The following ARAP3 variants were observed in gnomAD, a reference collection of about 807,000 sequenced individuals.
ARAP3 encodes ArfGAP with RhoGAP domain, ankyrin repeat and PH domain 3, also known as arf-GAP with Rho-GAP domain, ANK repeat and PH domain-containing protein 3.
In ARAP3, 82 loss-of-function variants were observed where a neutral mutation model predicts 169.2. The observed-to-expected ratio is 0.48, with a 90% confidence interval of 0.41 to 0.58. The LOEUF (loss-of-function observed/expected upper bound fraction) is 0.58, where lower values mean the gene tolerates loss of function less well. Ranked by LOEUF, ARAP3 falls within the 20% of genes least tolerant of loss-of-function variation. The pLI, the probability that ARAP3 is intolerant of heterozygous loss-of-function variation, is 0.00. For synonymous variants in ARAP3, 791 were observed against 800.3 expected, an observed-to-expected ratio of 0.99 and a Z score of 0.20; for missense variants, 1,764 against 2,018.0, an observed-to-expected ratio of 0.87 and a Z score of 2.41.
rs1262206933 is a variant in ARAP3 at position 141,671,907 on chromosome 5, A to G, written c.1659T>C (p.Asn553=). The G allele has an allele frequency of 4.3e-6, 7 of 1,613,118 alleles. No individual in the cohort carries two copies. Among genetic ancestry groups the G allele is most frequent in the Non-Finnish European group, 5.1e-6 (6 of 1,179,564 alleles). Residue 553 remains asparagine (N), a synonymous_variant, in exon 11 of 33, where the codon AAT becomes AAC. Transcript: ENST00000239440. This position sits in a 1 kb window ranked among gnomAD's most constrained non-coding sequence, Gnocchi z 4.9. ...TTCGCCCGCTCACCTGTACTATCTCATTACTCCAGACACTCGTGTCCAGCT... is the reference window on the plus strand; with the variant it reads ...TTCGCCCGCTCACCTGTACTATCTCGTTACTCCAGACACTCGTGTCCAGCT... ...SLKLDTSVWS[N]EIVQLFIVLG...
chr5:141,655,426 G>A (rs749277998), intron 31 of ARAP3, 26 bp from the exon 32 acceptor site: 19 of 1,586,638 alleles, frequency 1.2e-5, no homozygotes, highest in Middle Eastern at 1.7e-4. Context: ...GTGGGGACAA[G>A]GGGAAGGAAA....
In ARAP3 at chr5:141,672,774, G is replaced by A. The variant is rs368673829; in HGVS notation, c.1245C>T (p.Ser415=). 4 of 1,613,692 alleles carry A rather than the reference G, an allele frequency of 2.5e-6. No homozygotes were observed. In the African/African-American group the frequency reaches 4.0e-5, roughly 16 times the overall value. ...TCTTGTACAGTGCCAGCTCTCCAGGGCTCAAGGCAGCAAACACCTTGGCCT... is the reference window on the plus strand; with the variant it reads ...TCTTGTACAGTGCCAGCTCTCCAGGACTCAAGGCAGCAAACACCTTGGCCT... ...GHKAKVFAAL[S]PGELALYKSE... Residue 415 remains serine (S), a synonymous_variant, in exon 8 of 33, where the codon AGC becomes AGT. Transcript: ENST00000239440. This position sits in a 1 kb window ranked among gnomAD's most constrained non-coding sequence, Gnocchi z 4.9.
Position 141,662,167 on chromosome 5 carries a change from C to A in ARAP3, c.2889G>T (p.Ser963=). ...LLAEFRRDAR[S]VKLRPGEHFV... ...AGTGCTCCCCTGGTCGGAGCTTCAC[C>A]GACCGGGCATCCCGACGGAACTCAG... Residue 963 remains serine (S), a synonymous_variant, in exon 20 of 33, where the codon TCG becomes TCT. Transcript: ENST00000239440. 6.2e-7 allele frequency: 1 copy of A among 1,614,198 alleles called. No individual in the cohort carries two copies. Among genetic ancestry groups the A allele is most frequent in the Non-Finnish European group, 8.5e-7 (1 of 1,180,032 alleles).
Position 141,654,156 on chromosome 5 carries a change from C to T in ARAP3, c.4429G>A (p.Ala1477Thr), listed in dbSNP as rs1424900314. 2 of 1,600,656 alleles carry T rather than the reference C, an allele frequency of 1.2e-6. No individual in the cohort carries two copies. Among genetic ancestry groups the T allele is most frequent in the Admixed American group, 1.7e-5 (1 of 59,602 alleles). Residue 1477 changes from alanine to threonine, a missense_variant, in exon 33 of 33, where the codon GCA becomes ACA. By Grantham distance (58) the Ala-to-Thr change is moderately conservative. Transcript: ENST00000239440. The part of the protein sequence containing the change: ...PGPPSKSSPQ[A>T]RGSLEEQLLQ... Reference sequence around the variant, plus strand: ...AGCTGTTCCTCTAGGGACCCCCGTGCCTGGGGACTGCTCTTTGAAGGGGGG... The same window carrying T: ...AGCTGTTCCTCTAGGGACCCCCGTGTCTGGGGACTGCTCTTTGAAGGGGGG...
chr5:141,672,673 G>T lies in ARAP3; in HGVS notation c.1279-15C>A. ...AGAGAGAAGGCCTGGTGGGGTCAGG[G>T]GGTGGGCATCATGAGGTGCCAGAAG... On this transcript the variant is annotated splice_polypyrimidine_tract_variant and intron_variant, in intron 8 of 32. Transcript: ENST00000239440. This position sits in a 1 kb window ranked among gnomAD's most constrained non-coding sequence, Gnocchi z 4.9. The T allele has an allele frequency of 6.2e-7, 1 of 1,613,912 alleles. No homozygotes were observed. The highest frequency in any genetic ancestry group is 8.5e-7 in the Non-Finnish European group (1 of 1,179,870).
rs779787136 is a variant in ARAP3 at position 141,671,592 on chromosome 5, G to C, written c.1832C>G (p.Pro611Arg). The C allele has an allele frequency of 6.2e-7, 1 of 1,614,068 alleles. No homozygotes were observed. Among genetic ancestry groups the C allele is most frequent in the Non-Finnish European group, 8.5e-7 (1 of 1,179,956 alleles). The change falls in exon 12 of 33, where the codon CCA (proline) becomes CGA (arginine). Residue 611 changes from proline to arginine, a missense_variant. This residue lies in a region of ARAP3 where 1,112 missense variants were observed against 1,285.7 expected (regional missense o/e 0.86). Coordinates refer to ENST00000239440, the MANE Select transcript of ARAP3 (RefSeq NM_022481.6). This position sits in a 1 kb window ranked among gnomAD's most constrained non-coding sequence, Gnocchi z 4.9. ...GLFRKPHPQYPDHSQLLQALC... is the reference protein window; with the variant it reads ...GLFRKPHPQYRDHSQLLQALC... ...TACCTGGAGAAGCTGGCTATGATCT[G>C]GGTACTGAGGGTGGGGCTTCCGGAA...
In ARAP3 at chr5:141,665,012, C is replaced by A; in HGVS notation, c.2710G>T (p.Gly904Trp). Residue 904 changes from glycine to tryptophan, a missense_variant, in exon 19 of 33, where the codon GGG becomes TGG. Coordinates refer to ENST00000239440, the MANE Select transcript of ARAP3 (RefSeq NM_022481.6). The part of the protein sequence containing the change: ...WNAAIGGAAG[G>W]GGTGLQEQQM... ...TGCTCCTGCAGCCCTGTGCCGCCCCCACCAGCCGCGCCCCCAATGGCTGCG... is the reference window on the plus strand; with the variant it reads ...TGCTCCTGCAGCCCTGTGCCGCCCCAACCAGCCGCGCCCCCAATGGCTGCG... 6.2e-7 allele frequency: 1 copy of A among 1,614,020 alleles called. No individual in the cohort carries two copies. Among genetic ancestry groups the A allele is most frequent in the Non-Finnish European group, 8.5e-7 (1 of 1,179,996 alleles).
Position 141,669,913 on chromosome 5 carries a change from G to A in ARAP3, c.2249+9C>T, listed in dbSNP as rs1562416716. On this transcript the variant is annotated intron_variant, in intron 15 of 32. Coordinates refer to ENST00000239440, the MANE Select transcript of ARAP3 (RefSeq NM_022481.6). Reference sequence around the variant, plus strand: ...GGGGGAAGCTCAGTGGTCACAGAAGGGCTATTACCTGTCACCTGGGTCAGT... The same window carrying A: ...GGGGGAAGCTCAGTGGTCACAGAAGAGCTATTACCTGTCACCTGGGTCAGT... 2 of 1,604,790 alleles carry A rather than the reference G, an allele frequency of 1.2e-6. No individual in the cohort carries two copies. The highest frequency in any genetic ancestry group is 1.3e-5 in the African/African-American group (1 of 74,510).
rs776151553 is a variant in ARAP3 at position 141,653,747 on chromosome 5, T to C, written c.*203A>G. The C allele has an allele frequency of 4.2e-4, 224 of 534,282 alleles. 2 individuals carry two copies. The highest frequency in any genetic ancestry group is 1.5e-4 in the Admixed American group (4 of 26,458). The allele number at this position is 534,282 out of a possible 1,614,324, so 33.1% of individuals were successfully genotyped here. A position where few individuals can be genotyped will look rare whatever the true frequency, so the allele number is the denominator to read the frequency against. On this transcript the variant is annotated 3_prime_UTR_variant, in exon 33 of 33. Transcript: ENST00000239440. The stretch of plus-strand genomic sequence containing the variant: ...TCCTTACTTCAGTTACCTCATGGTA[T>C]AGATAAATGGGCTGGGCCCAGAGAG...
intron 4 of ARAP3, among the ~76,000 whole-genome samples, chr5:141,676,467 C>T (rs2099912199): frequency 6.6e-6 from 1 of 152,166 alleles, no homozygotes; most frequent in Non-Finnish European, 1.5e-5. Flanking sequence ...TTCTATTCTC[C>T]CTTAAAACCC....
intron 24 of ARAP3, 32 bp from the exon 25 acceptor site, chr5:141,658,511 C>T (rs376795926): frequency 1.4e-5 from 23 of 1,613,664 alleles, no homozygotes; most frequent in Non-Finnish European, 1.9e-5. Context: ...AGAATTCATG[C>T]TGGTCAGGCT....
rs763166725 is a variant in ARAP3 at position 141,672,225 on chromosome 5, C to G, written c.1462G>C (p.Asp488His). The change falls in exon 10 of 33, where the codon GAC becomes CAC. Residue 488 changes from aspartate (D) to histidine (H), a missense_variant. By Grantham distance (81) the Asp-to-His change is moderately conservative (BLOSUM62 -1). Around this residue, in one of 3 missense-constraint regions of ARAP3, gnomAD observed 630 missense variants for 678.7 expected, o/e 0.93. Transcript: ENST00000239440. This position sits in a 1 kb window ranked among gnomAD's most constrained non-coding sequence, Gnocchi z 4.9. ...CAGATCTTCTCAGCCACCTCGTAGT[C>G]AGACAGGGTCTCGGTTACTGCTTCC... ...LQEAVTETLS[D>H]YEVAEKIWSN... 6.2e-7 allele frequency: 1 copy of G among 1,614,242 alleles called. No individual in the cohort carries two copies. Among genetic ancestry groups the G allele is most frequent in the Admixed American group, 1.7e-5 (1 of 60,032 alleles).
chr5:141,680,364 G>T lies in ARAP3; in HGVS notation c.123C>A (p.His41Gln), dbSNP rs145637020. 1 of 1,614,056 alleles carries T rather than the reference G, an allele frequency of 6.2e-7. No individual in the cohort carries two copies. Among genetic ancestry groups the T allele is most frequent in the Admixed American group, 1.7e-5 (1 of 60,012 alleles). ...TGATGCCCAACTGCTTCAACTCCTC[G>T]TGGCCCAGGCCCCGGGCTGCACCTG... ...ATAGAARGLGHEELKQLGISA... is the reference protein window; with the variant it reads ...ATAGAARGLGQEELKQLGISA... Residue 41 changes from histidine to glutamine, a missense_variant, in exon 2 of 33, where the codon CAC becomes CAA. Transcript: ENST00000239440.
At position 141,680,423 on chromosome 5, in the gene ARAP3, C is replaced by T; in HGVS notation, c.64G>A (p.Ala22Thr). ...AGGCCATGCCGTCGGAACGTGTCTGCATACTGCTCCAGGTGCACCGTGGCC... is the reference window on the plus strand; with the variant it reads ...AGGCCATGCCGTCGGAACGTGTCTGTATACTGCTCCAGGTGCACCGTGGCC... Reference protein sequence around the residue: ...WLATVHLEQYADTFRRHGLAT... With the variant: ...WLATVHLEQYTDTFRRHGLAT... The change falls in exon 2 of 33, where the codon GCA (alanine) becomes ACA (threonine). Residue 22 changes from alanine (A) to threonine (T), a missense_variant. Ala to Thr is a moderately conservative substitution (Grantham distance 58). This residue lies in a region of ARAP3 where 630 missense variants were observed against 678.7 expected (regional missense o/e 0.93). Coordinates refer to ENST00000239440, the MANE Select transcript of ARAP3 (RefSeq NM_022481.6). The T allele has an allele frequency of 6.2e-7, 1 of 1,612,800 alleles. No homozygotes were observed. The highest frequency in any genetic ancestry group is 8.5e-7 in the Non-Finnish European group (1 of 1,179,972).
chr5:141,654,561 A>G (rs957599198), intron 32 of ARAP3, 126 bp from the exon 33 acceptor site: 4 of 1,352,722 alleles, frequency 3.0e-6, no homozygotes, highest in East Asian at 2.3e-5. Context: ...ATGATTCTGG[A>G]ACAACCCTGT....
rs139781811 is a variant in ARAP3 at position 141,670,593 on chromosome 5, G to A, written c.2026C>T (p.Arg676Cys). Residue 676 changes from arginine (R) to cysteine (C), a missense_variant, in exon 14 of 33, where the codon CGT becomes TGT. Around this residue, in one of 3 missense-constraint regions of ARAP3, gnomAD observed 1,112 missense variants for 1,285.7 expected, o/e 0.86. Coordinates refer to ENST00000239440, the MANE Select transcript of ARAP3 (RefSeq NM_022481.6). ...TACAGGAAGCCGCTGTAAGTAGCAC[G>A]CACCACCACCTCATTGTACACACCA... ...SPGVYNEVVV[R>C]ATYSGFLYCS... 2.0e-5 allele frequency: 32 copies of A among 1,613,980 alleles called. No individual in the cohort carries two copies. Among genetic ancestry groups the A allele is most frequent in the African/African-American group, 4.0e-5 (3 of 74,918 alleles).
At chr5:141,660,450 C>T (rs955438304) in intron 21 of ARAP3, among the ~76,000 whole-genome samples, 47 of 150,002 alleles carry the variant, frequency 3.1e-4, no homozygotes, top group Non-Finnish European at 5.3e-4. Context: ...GCCGAGATTG[C>T]GCCACTGCAC....
chr5:141,656,748 G>A lies in ARAP3; in HGVS notation c.3625C>T (p.Pro1209Ser), dbSNP rs757031961. 5.0e-6 allele frequency: 8 copies of A among 1,611,734 alleles called. No individual in the cohort carries two copies. Among genetic ancestry groups the A allele is most frequent in the East Asian group, 4.5e-5 (2 of 44,866 alleles). Residue 1209 changes from proline (P) to serine (S), a missense_variant, in exon 26 of 33, where the codon CCC (proline) becomes TCC (serine). Pro to Ser is a moderately conservative substitution (Grantham distance 74, BLOSUM62 -1). This residue lies in a region of ARAP3 where 1,112 missense variants were observed against 1,285.7 expected (regional missense o/e 0.86). Transcript: ENST00000239440. ...AAGAGGCAGCCAGCTTGGGCCAGGG[G>A]GACTTTTTTCAAGAGCAGGGAAGCT... ...CSASLLLKKV[P>S]LAQAGCLFTG... is the part of the protein sequence containing the mutation.
At chr5:141,678,048 C>T (rs1175728327) in intron 4 of ARAP3, among the ~76,000 whole-genome samples, 1 of 151,660 alleles carries the variant, frequency 6.6e-6, no homozygotes, top group East Asian at 1.9e-4. Context: ...CCCGGGTTCA[C>T]GCCATTCTCT....
Sources: gnomAD v4.1 joint callset for allele counts (sites outside exome capture counted in the v4.1 genomes callset) on GRCh38, gnomAD v4.1.1 for gene constraint, gnomAD v4.1.1 regional missense constraint, Gnocchi (gnomAD v3.1) non-coding constraint, MANE v1.5 for transcripts, NCBI Gene and HGNC (gene_info 2026-07-23, HGNC 2026-07-21) for gene names.